Variants in IMMP2L observed in about 807,000 individuals in gnomAD.
IMMP2L encodes inner mitochondrial membrane peptidase subunit 2, also known as mitochondrial inner membrane protease subunit 2.
Under a neutral mutation model 19.3 loss-of-function variants are expected in IMMP2L, and 18 were observed. The ratio of observed to expected loss-of-function variants is 0.93; its 90% CI spans 0.64 to 1.38. The LOEUF (loss-of-function observed/expected upper bound fraction) is 1.38, where lower values mean the gene tolerates loss of function less well. IMMP2L is among the 40% of genes most tolerant of loss of function. The pLI, the probability that IMMP2L is intolerant of heterozygous loss-of-function variation, is 0.00. For missense variants in IMMP2L, 233 were observed against 218.2 expected, an observed-to-expected ratio of 1.07 and a Z score of -0.43; for synonymous variants, 76 against 73.0, an observed-to-expected ratio of 1.04 and a Z score of -0.21.
At chr7:111,203,311 AC>A (rs1405906563) in intron 3 of IMMP2L, among the ~76,000 whole-genome samples, 1 of 152,096 alleles carries the variant, frequency 6.6e-6, no homozygotes, top group African/African-American at 2.4e-5. Flanking sequence ...CAAAACAGAT[AC>A]CAGTCCCTGT....
intron 3 of IMMP2L, among the ~76,000 whole-genome samples, chr7:111,037,557 A>C (rs1411470634): frequency 1.3e-5 from 2 of 152,144 alleles, no homozygotes; most frequent in Non-Finnish European, 2.9e-5. Flanking sequence ...TTTTGTGAAA[A>C]GGGGTCATTT....
rs2130216288 is a variant in IMMP2L at position 110,662,763 on chromosome 7, A to C, written c.*839T>G. Among the ~76,000 whole-genome samples the C allele has an allele frequency of 6.6e-6, 1 of 152,354 alleles. No homozygotes were observed. The highest frequency in any genetic ancestry group is 1.9e-4 in the East Asian group (1 of 5,190). On this transcript the variant is annotated 3_prime_UTR_variant, in exon 6 of 6. Coordinates refer to ENST00000405709, the MANE Select transcript of IMMP2L (RefSeq NM_032549.4). ...TGAATACTGAGAAATAATTAGGGGAAGAAAATCAAACGTGGCTGATCTGGA... is the reference window on the plus strand; with the variant it reads ...TGAATACTGAGAAATAATTAGGGGACGAAAATCAAACGTGGCTGATCTGGA...
chr7:111,262,164 C>T (rs1052339583), intron 3 of IMMP2L, among the ~76,000 whole-genome samples: 1 of 152,028 alleles, frequency 6.6e-6, no homozygotes, highest in African/African-American at 2.4e-5. Flanking sequence ...AATCTCATCC[C>T]ACAGGAACTT....
intron 4 of IMMP2L, among the ~76,000 whole-genome samples, chr7:110,937,829 G>T (rs1816288310): frequency 6.6e-6 from 1 of 152,154 alleles, no homozygotes; most frequent in Admixed American, 6.5e-5. Context: ...TCTTCCTTCA[G>T]TGAATCTTGT....
chr7:111,074,823 G>A (rs1171270988), intron 3 of IMMP2L, among the ~76,000 whole-genome samples: 1 of 152,148 alleles, frequency 6.6e-6, no homozygotes, highest in East Asian at 1.9e-4. Flanking sequence ...TAGTTTTGCA[G>A]TACTTTTGGC....
At position 110,934,518 on chromosome 7, in the gene IMMP2L, G is replaced by C. The variant is rs118003961; in HGVS notation, c.305+28982C>G. 1.1e-4 allele frequency among the ~76,000 whole-genome samples: 17 copies of C among 152,280 alleles called. No individual in the cohort carries two copies. In the East Asian group the frequency reaches 3.3e-3, roughly 29 times the overall value. On this transcript the variant is annotated intron_variant, in intron 4 of 5. Transcript: ENST00000405709. ...TTTTAGAAGGCTGGATCTGATCCCAGAGACTCTTTGTATATAAGAAGAAAG... is the reference window on the plus strand; with the variant it reads ...TTTTAGAAGGCTGGATCTGATCCCACAGACTCTTTGTATATAAGAAGAAAG...
At chr7:111,168,276 G>A (rs960915940) in intron 3 of IMMP2L, among the ~76,000 whole-genome samples, 6 of 151,428 alleles carry the variant, frequency 4.0e-5, no homozygotes, top group African/African-American at 1.5e-4. Flanking sequence ...TGGGCTTTAA[G>A]TTCTGTTTTT....
chr7:111,281,293 A>T (rs1819856907), intron 3 of IMMP2L, among the ~76,000 whole-genome samples: 1 of 151,340 alleles, frequency 6.6e-6, no homozygotes, highest in African/African-American at 2.4e-5. Flanking sequence ...GAAAGAAAGA[A>T]GGAAGGAAGG....
At chr7:111,092,020 T>C (rs544674487) in intron 3 of IMMP2L, among the ~76,000 whole-genome samples, 1 of 152,298 alleles carries the variant, frequency 6.6e-6, no homozygotes, top group African/African-American at 2.4e-5. Context: ...TTTTGTCTCA[T>C]CCAGTGGATG....
intron 3 of IMMP2L, among the ~76,000 whole-genome samples, chr7:111,166,181 G>A (rs964671202): frequency 7.9e-5 from 12 of 151,864 alleles, no homozygotes; most frequent in Non-Finnish European, 2.9e-5. Context: ...ATGCTTAGAT[G>A]GGTATCTTGC....
At chr7:111,308,688 C>CT (rs1213409177) in intron 3 of IMMP2L, among the ~76,000 whole-genome samples, 2 of 151,818 alleles carry the variant, frequency 1.3e-5, no homozygotes, top group East Asian at 1.9e-4. Flanking sequence ...TTGTCATAAA[C>CT]TTTCAAATAT....
At chr7:110,670,053 G>T (rs1791785530) in intron 5 of IMMP2L, among the ~76,000 whole-genome samples, 3 of 152,074 alleles carry the variant, frequency 2.0e-5, no homozygotes, top group South Asian at 2.1e-4. Flanking sequence ...TAATACCTCA[G>T]AATGTGACTG....
chr7:111,315,144 G>A (rs896070511), intron 3 of IMMP2L, among the ~76,000 whole-genome samples: 5 of 152,028 alleles, frequency 3.3e-5, no homozygotes, highest in Non-Finnish European at 5.9e-5. Flanking sequence ...CATTTGTGAC[G>A]CTATCACAGT....
At chr7:110,933,600 T>C (rs566535772) in intron 4 of IMMP2L, among the ~76,000 whole-genome samples, 86 of 152,332 alleles carry the variant, frequency 5.6e-4, no homozygotes, top group Admixed American at 2.0e-3. Context: ...TGTTGCTTTA[T>C]GCGTTTCATC....
rs188959091 is a variant in IMMP2L at position 111,366,842 on chromosome 7, C to T, written c.239+120396G>A. Among the ~76,000 whole-genome samples the T allele has an allele frequency of 2.8e-4, 43 of 151,660 alleles. No homozygotes were observed. The South Asian group carries it at 5.2e-3, about 18-fold the overall frequency. On this transcript the variant is annotated intron_variant, in intron 3 of 5. Coordinates refer to ENST00000405709, the MANE Select transcript of IMMP2L (RefSeq NM_032549.4). ...GTCTCTGTATATATGTATACACACA[C>T]GTATATATGTGGAGAGGAGAGACAG...
chr7:110,673,525 T>A (rs1326810224), intron 5 of IMMP2L, among the ~76,000 whole-genome samples: 1 of 152,238 alleles, frequency 6.6e-6, no homozygotes, highest in Non-Finnish European at 1.5e-5. Context: ...TTTTCTTTTC[T>A]ACTGCATCAT....
intron 5 of IMMP2L, among the ~76,000 whole-genome samples, chr7:110,744,310 G>A (rs1169598054): frequency 1.3e-5 from 2 of 152,204 alleles, no homozygotes; most frequent in African/African-American, 4.8e-5. Flanking sequence ...AGTGGTGGTT[G>A]TAGGCGCAGC....
intron 3 of IMMP2L, among the ~76,000 whole-genome samples, chr7:111,002,557 C>T (rs368280007): frequency 6.6e-6 from 1 of 152,092 alleles, no homozygotes; most frequent in Non-Finnish European, 1.5e-5. Context: ...GAAGGCCTGT[C>T]AGAGGCTATA....
chr7:111,189,598 A>G (rs1017661873), intron 3 of IMMP2L, among the ~76,000 whole-genome samples: 1 of 152,088 alleles, frequency 6.6e-6, no homozygotes, highest in Non-Finnish European at 1.5e-5. Flanking sequence ...ACATTCTCCT[A>G]AACTCTACAA....
Sources: gnomAD v4.1 joint callset for allele counts (sites outside exome capture counted in the v4.1 genomes callset) on GRCh38, gnomAD v4.1.1 for gene constraint, MANE v1.5 for transcripts, NCBI Gene and HGNC (gene_info 2026-07-23, HGNC 2026-07-21) for gene names.